BTBD9: variants seen among roughly 807,000 people sequenced by gnomAD.
BTBD9 encodes BTB domain containing 9, also known as BTB/POZ domain-containing protein 9.
Under a neutral mutation model 64.3 loss-of-function variants are expected in BTBD9, and 49 were observed. The observed-to-expected ratio is 0.76, with a 90% CI of 0.61 to 0.97. BTBD9 has a LOEUF of 0.97. BTBD9 is among the 50% of genes least tolerant of loss of function. The pLI is 0.00. For missense variants in BTBD9, 598 were observed against 762.1 expected, an observed-to-expected ratio of 0.78 and a Z score of 2.53; for synonymous variants, 260 against 274.7, an observed-to-expected ratio of 0.95 and a Z score of 0.53.
intron 6 of BTBD9, among the ~76,000 whole-genome samples, chr6:38,503,144 T>C (rs1772289306): frequency 6.6e-6 from 1 of 152,150 alleles, no homozygotes; most frequent in Non-Finnish European, 1.5e-5. Flanking sequence ...GTGTCACTTC[T>C]ATTATTCCAT....
intron 6 of BTBD9, among the ~76,000 whole-genome samples, chr6:38,532,863 C>T (rs1773858660): frequency 6.6e-6 from 1 of 151,578 alleles, no homozygotes; most frequent in African/African-American, 2.4e-5. Flanking sequence ...ACTCCTTCTG[C>T]TTGAGAAAAG....
intron 6 of BTBD9, among the ~76,000 whole-genome samples, chr6:38,418,617 C>T (rs1380167677): frequency 6.6e-6 from 1 of 152,164 alleles, no homozygotes; most frequent in Admixed American, 6.5e-5. Context: ...TTATGACCAC[C>T]CTAAGGAGTT....
intron 6 of BTBD9, among the ~76,000 whole-genome samples, chr6:38,529,042 T>C (rs1055832611): frequency 1.3e-5 from 2 of 152,120 alleles, no homozygotes; most frequent in African/African-American, 4.8e-5. Flanking sequence ...GTCCTGGTCC[T>C]GAAGGGAGCC....
At chr6:38,210,919 G>A (rs562581114) in intron 9 of BTBD9, among the ~76,000 whole-genome samples, 6 of 152,198 alleles carry the variant, frequency 3.9e-5, no homozygotes, top group Admixed American at 6.5e-5. Context: ...ATTACCAGGC[G>A]TCCCAGTCCC....
intron 2 of BTBD9, among the ~76,000 whole-genome samples, chr6:38,595,127 T>C (rs528744358): frequency 2.0e-5 from 3 of 152,216 alleles, no homozygotes; most frequent in African/African-American, 7.2e-5. Flanking sequence ...TGCAGATCCA[T>C]ATGTACTGCA....
intron 6 of BTBD9, among the ~76,000 whole-genome samples, chr6:38,485,450 T>C (rs572383879): frequency 3.5e-4 from 53 of 152,318 alleles, no homozygotes; most frequent in African/African-American, 1.2e-3. Flanking sequence ...GACTGGAAAG[T>C]TAACATGATT....
At chr6:38,483,809 A>C (rs887063593) in intron 6 of BTBD9, among the ~76,000 whole-genome samples, 2 of 152,090 alleles carry the variant, frequency 1.3e-5, no homozygotes, top group Non-Finnish European at 2.9e-5. Flanking sequence ...CTTGTAATTC[A>C]AGTTTTGGCT....
intron 10 of BTBD9, among the ~76,000 whole-genome samples, chr6:38,181,277 C>A (rs1561839633): frequency 1.3e-5 from 2 of 152,252 alleles, no homozygotes; most frequent in Non-Finnish European, 2.9e-5. Flanking sequence ...TTTCCACAGA[C>A]TGCTTTCATG....
intron 6 of BTBD9, among the ~76,000 whole-genome samples, chr6:38,407,427 C>G (rs888768405): frequency 1.3e-5 from 2 of 151,910 alleles, no homozygotes; most frequent in African/African-American, 4.8e-5. Flanking sequence ...TATTTAAGAC[C>G]AATTACTTAT....
intron 6 of BTBD9, among the ~76,000 whole-genome samples, chr6:38,432,610 T>C (rs1768496138): frequency 6.6e-6 from 1 of 151,958 alleles, no homozygotes; most frequent in South Asian, 2.1e-4. Flanking sequence ...ACCACTATTG[T>C]AGAACCTAAG....
intron 6 of BTBD9, among the ~76,000 whole-genome samples, chr6:38,479,988 C>T (rs1771062643): frequency 6.6e-6 from 1 of 152,182 alleles, no homozygotes; most frequent in South Asian, 2.1e-4. Context: ...CTCGGCCTCC[C>T]AAGGTGTGGA....
chr6:38,443,701 C>T (rs556988040), intron 6 of BTBD9, among the ~76,000 whole-genome samples: 10 of 152,146 alleles, frequency 6.6e-5, no homozygotes, highest in Non-Finnish European at 1.0e-4. Context: ...TCCAATTAAT[C>T]GCCAAGTCCT....
intron 8 of BTBD9, among the ~76,000 whole-genome samples, chr6:38,281,327 G>A (rs1323143646): frequency 2.6e-5 from 4 of 152,154 alleles, no homozygotes; most frequent in Non-Finnish European, 5.9e-5. Context: ...GTTGGTTGTA[G>A]CCACACAATA....
chr6:38,451,586 A>C (rs1466631078), intron 6 of BTBD9, among the ~76,000 whole-genome samples: 2 of 152,292 alleles, frequency 1.3e-5, no homozygotes, highest in Non-Finnish European at 1.5e-5. Context: ...GAAGAGAGGC[A>C]AAAGAGTACA....
At chr6:38,458,269 T>C (rs1582462300) in intron 6 of BTBD9, among the ~76,000 whole-genome samples, 1 of 152,358 alleles carries the variant, frequency 6.6e-6, no homozygotes, top group Non-Finnish European at 1.5e-5. Context: ...AAATGAGTTC[T>C]TTCATTAGAG....
At chr6:38,594,875 T>C (rs575526941) in intron 2 of BTBD9, among the ~76,000 whole-genome samples, 1 of 152,334 alleles carries the variant, frequency 6.6e-6, no homozygotes, top group Non-Finnish European at 1.5e-5. Flanking sequence ...ATCTAAAATG[T>C]GCATACCCTT....
chr6:38,275,608 G>T (rs1227195208), intron 8 of BTBD9, among the ~76,000 whole-genome samples: 3 of 151,454 alleles, frequency 2.0e-5, no homozygotes, highest in Non-Finnish European at 1.5e-5. Context: ...ATCTGACAAA[G>T]GGCTAATATC....
chr6:38,387,826 G>A (rs1174359871), intron 6 of BTBD9, among the ~76,000 whole-genome samples: 2 of 152,130 alleles, frequency 1.3e-5, no homozygotes, highest in Non-Finnish European at 2.9e-5. Flanking sequence ...GAATCATAAA[G>A]GAGAAGAGCT....
At chr6:38,297,908 T>C (rs1206995110) in intron 7 of BTBD9, among the ~76,000 whole-genome samples, 1 of 151,306 alleles carries the variant, frequency 6.6e-6, no homozygotes, top group Non-Finnish European at 1.5e-5. Flanking sequence ...TGGTGCTATC[T>C]CGGCTCACTG....
Sources: gnomAD v4.1 joint callset for allele counts (sites outside exome capture counted in the v4.1 genomes callset) on GRCh38, gnomAD v4.1.1 for gene constraint, MANE v1.5 for transcripts, NCBI Gene and HGNC (gene_info 2026-07-23, HGNC 2026-07-21) for gene names.